Variants in FAM229A observed in about 807,000 individuals in gnomAD.
FAM229A encodes protein FAM229A.
Under a neutral mutation model 10.0 loss-of-function variants are expected in FAM229A, and 9 were observed. The observed-to-expected ratio is 0.90, with a 90% confidence interval of 0.54 to 1.56. The LOEUF (loss-of-function observed/expected upper bound fraction) is 1.56. FAM229A is among the 40% of genes most tolerant of loss of function. The pLI, the probability that FAM229A is intolerant of heterozygous loss-of-function variation, is 0.00. For missense variants in FAM229A, 196 were observed against 197.6 expected (o/e 0.99, Z 0.05); for synonymous variants, 93 against 90.1 (o/e 1.03, Z -0.19).
At chr1:32,361,901 C>T (rs1210344402) in intron 1 of FAM229A, 25 bp from the exon 2 acceptor site, 26 of 1,371,342 alleles carry the variant, frequency 1.9e-5, no homozygotes, top group Non-Finnish European at 2.4e-5. Flanking sequence ...GCGGTCAGGC[C>T]TCTCCCGGGT....
Position 32,361,864 on chromosome 1 carries a change from G to GC in FAM229A, c.146dup (p.Asp51GlyfsTer16). 11 of 1,340,420 alleles carry GC rather than the reference G, an allele frequency of 8.2e-6. 1 individual carries two copies. The South Asian group carries it at 2.0e-4, about 25-fold the overall frequency. The allele number at this position is 1,340,420 out of a possible 1,614,324, so 83.0% of individuals were successfully genotyped here. A position where few individuals can be genotyped will look rare whatever the true frequency, so the allele number is the denominator to read the frequency against. ...GGGGCTCCTGGGCGCTCATGTCCAA[G>GC]CCCCGGGGCGCTCTGCGCGGGGAGT... On this transcript the variant is annotated frameshift_variant, in exon 2 of 3. Transcript: ENST00000432622. LOFTEE classifies it high-confidence loss of function.
rs1472785265 is a variant in FAM229A at position 32,362,266 on chromosome 1, G to T, written c.-175C>A. 2.1e-6 allele frequency: 2 copies of T among 937,646 alleles called. No homozygotes were observed. Among genetic ancestry groups the T allele is most frequent in the African/African-American group, 1.7e-5 (1 of 58,226 alleles). 58.1% of individuals were successfully genotyped at this position (937,646 alleles called of 1,614,324 possible). On this transcript the variant is annotated 5_prime_UTR_variant, in exon 1 of 3. Transcript: ENST00000432622. The stretch of plus-strand genomic sequence containing the variant: ...CGCAGACCCCGGACACCCGAGGGGG[G>T]CGCAGCAGGCCAGGGCAACCCGCCG...
In FAM229A at chr1:32,362,077, C is replaced by G; in HGVS notation, c.15G>C (p.Ser5=). The change falls in exon 1 of 3, where the codon TCG becomes TCC. Residue 5 remains serine, a synonymous_variant. Transcript: ENST00000432622. MLPS[S]TPGPGHATET... ...CTGTGGCGTGCCCGGGCCCGGGCGTCGAGGAGGGCAGCATTGTGACCCGGG... is the reference window on the plus strand; with the variant it reads ...CTGTGGCGTGCCCGGGCCCGGGCGTGGAGGAGGGCAGCATTGTGACCCGGG... 1 of 1,420,950 alleles carries G rather than the reference C, an allele frequency of 7.0e-7. No individual in the cohort carries two copies. Among genetic ancestry groups the G allele is most frequent in the Non-Finnish European group, 9.2e-7 (1 of 1,091,054 alleles). The allele number at this position is 1,420,950 out of a possible 1,614,324, so 88.0% of individuals were successfully genotyped here.
In FAM229A at chr1:32,361,728, A is replaced by G; in HGVS notation, c.281+2T>C. ...GAGGCGGGGGTGGGGCGCGGGCCTT[A>G]CCTGACCGGGTTGTGCTCCGTCGCT... On this transcript the variant is annotated splice_donor_variant, in intron 2 of 2. Transcript: ENST00000432622. LOFTEE classifies it high-confidence loss of function. The G allele has an allele frequency of 7.6e-7, 1 of 1,310,828 alleles. No individual in the cohort carries two copies. The highest frequency in any genetic ancestry group is 9.7e-7 in the Non-Finnish European group (1 of 1,031,524). The allele number at this position is 1,310,828 out of a possible 1,614,324, so 81.2% of individuals were successfully genotyped here. A position where few individuals can be genotyped will look rare whatever the true frequency, so the allele number is the denominator to read the frequency against.
rs1641700237 is a variant in FAM229A, at chr1:32,361,444, G to A, written c.373C>T (p.Arg125Cys). 2.2e-6 allele frequency: 3 copies of A among 1,353,590 alleles called. No homozygotes were observed. The highest frequency in any genetic ancestry group is 3.7e-5 in the Admixed American group (1 of 26,784). The allele number at this position is 1,353,590 out of a possible 1,614,324, so 83.8% of individuals were successfully genotyped here. ...GGGAGCAGGCGCACTCACGTGGCGC[G>A]GGCCCGGGGGCTCCCGCCCATGGCG... is the stretch of plus-strand genomic sequence containing the variant. ...YLAMGGSPRA[R>C]AT The change falls in exon 3 of 3, where the codon CGC (arginine) becomes TGC (cysteine). Residue 125 changes from arginine to cysteine, a missense_variant. Physicochemically the swap from Arg to Cys is radical, Grantham distance 180. Transcript: ENST00000432622.
At position 32,361,272 on chromosome 1, in the gene FAM229A, G is replaced by C. The variant is rs1029035264; in HGVS notation, c.*161C>G. ...AGACATACACTGCCAGCCCGGAGTG[G>C]AAAGAACAGTTTGTGCTGTGCTTTA... On this transcript the variant is annotated 3_prime_UTR_variant, in exon 3 of 3. Coordinates refer to ENST00000432622, the MANE Select transcript of FAM229A (RefSeq NM_001167676.2). 1.7e-5 allele frequency: 7 copies of C among 414,230 alleles called. No individual in the cohort carries two copies. The highest frequency in any genetic ancestry group is 2.9e-5 in the Non-Finnish European group (7 of 241,618). 25.7% of individuals were successfully genotyped at this position (414,230 alleles called of 1,614,324 possible). A position where few individuals can be genotyped will look rare whatever the true frequency, so the allele number is the denominator to read the frequency against.
Position 32,361,332 on chromosome 1 carries a change from G to T in FAM229A, c.*101C>A. 1 of 491,356 alleles carries T rather than the reference G, an allele frequency of 2.0e-6. No individual in the cohort carries two copies. Among genetic ancestry groups the T allele is most frequent in the Non-Finnish European group, 3.3e-6 (1 of 306,800 alleles). The allele number at this position is 491,356 out of a possible 1,614,324, so 30.4% of individuals were successfully genotyped here. ...GCATCATTCTTTTATTTTAAAATGT[G>T]CATCATTGTCTCGTGCTCGGCGCAT... On this transcript the variant is annotated 3_prime_UTR_variant, in exon 3 of 3. Coordinates refer to ENST00000432622, the MANE Select transcript of FAM229A (RefSeq NM_001167676.2).
At position 32,362,202 on chromosome 1, in the gene FAM229A, A is replaced by C; in HGVS notation, c.-111T>G. The stretch of plus-strand genomic sequence containing the variant: ...CACTCAGCGCGGGCCAGAATCGGGG[A>C]CTGGAGGCCTCTGGCCATGGCGCCT... On this transcript the variant is annotated 5_prime_UTR_variant, in exon 1 of 3. Coordinates refer to ENST00000432622, the MANE Select transcript of FAM229A (RefSeq NM_001167676.2). 1 of 1,266,688 alleles carries C rather than the reference A, an allele frequency of 7.9e-7. No individual in the cohort carries two copies. Among genetic ancestry groups the C allele is most frequent in the Non-Finnish European group, 1.0e-6 (1 of 1,000,884 alleles). The allele number at this position is 1,266,688 out of a possible 1,614,324, so 78.5% of individuals were successfully genotyped here. A position where few individuals can be genotyped will look rare whatever the true frequency, so the allele number is the denominator to read the frequency against.
Position 32,362,074 on chromosome 1 carries a change from C to T in FAM229A, c.18G>A (p.Thr6=), listed in dbSNP as rs1363815409. Reference sequence around the variant, plus strand: ...TCTCTGTGGCGTGCCCGGGCCCGGGCGTCGAGGAGGGCAGCATTGTGACCC... The same window carrying T: ...TCTCTGTGGCGTGCCCGGGCCCGGGTGTCGAGGAGGGCAGCATTGTGACCC... MLPSS[T]PGPGHATETC... The change falls in exon 1 of 3, where the codon ACG becomes ACA. Residue 6 remains threonine (T), a synonymous_variant. Transcript: ENST00000432622. 7.0e-7 allele frequency: 1 copy of T among 1,422,902 alleles called. No homozygotes were observed. Among genetic ancestry groups the T allele is most frequent in the Non-Finnish European group, 9.2e-7 (1 of 1,092,344 alleles). 88.1% of individuals were successfully genotyped at this position (1,422,902 alleles called of 1,614,324 possible).
In FAM229A at chr1:32,362,318, G is replaced by A. The variant is rs905742935; in HGVS notation, c.-227C>T. The A allele has an allele frequency of 9.5e-6, 5 of 526,962 alleles. No individual in the cohort carries two copies. The highest frequency in any genetic ancestry group is 1.5e-5 in the Non-Finnish European group (5 of 331,506). 32.6% of individuals were successfully genotyped at this position (526,962 alleles called of 1,614,324 possible). On this transcript the variant is annotated 5_prime_UTR_variant, in exon 1 of 3. Transcript: ENST00000432622. ...GAGGCGGCGTCCACGCCGAGGAGCC[G>A]CGCATTCCCGGTCCACACAGACGCG...
chr1:32,362,247 C>T lies in FAM229A; in HGVS notation c.-156G>A. On this transcript the variant is annotated 5_prime_UTR_variant, in exon 1 of 3. Coordinates refer to ENST00000432622, the MANE Select transcript of FAM229A (RefSeq NM_001167676.2). ...GCGCCTGGAGACGGGGTCGCGCAGA[C>T]CCCGGACACCCGAGGGGGGCGCAGC... is the stretch of plus-strand genomic sequence containing the variant. 9.3e-7 allele frequency: 1 copy of T among 1,073,642 alleles called. No homozygotes were observed. The highest frequency in any genetic ancestry group is 3.2e-5 in the East Asian group (1 of 31,074). 66.5% of individuals were successfully genotyped at this position (1,073,642 alleles called of 1,614,324 possible).
At position 32,361,450 on chromosome 1, in the gene FAM229A, G is replaced by T; in HGVS notation, c.367C>A (p.Arg123=). 2 of 1,356,948 alleles carry T rather than the reference G, an allele frequency of 1.5e-6. No individual in the cohort carries two copies. The highest frequency in any genetic ancestry group is 1.7e-5 in the South Asian group (1 of 59,570). The allele number at this position is 1,356,948 out of a possible 1,614,324, so 84.1% of individuals were successfully genotyped here. The change falls in exon 3 of 3, where the codon CGG becomes AGG. Residue 123 remains arginine, a synonymous_variant. Coordinates refer to ENST00000432622, the MANE Select transcript of FAM229A (RefSeq NM_001167676.2). ...AGGCGCACTCACGTGGCGCGGGCCC[G>T]GGGGCTCCCGCCCATGGCGAGGTAG... is the stretch of plus-strand genomic sequence containing the variant. ...DVYLAMGGSP[R]ARAT
At position 32,362,328 on chromosome 1, in the gene FAM229A, G is replaced by A. The variant is rs1490933546; in HGVS notation, c.-237C>T. The A allele has an allele frequency of 3.9e-6, 2 of 509,258 alleles. No individual in the cohort carries two copies. The highest frequency in any genetic ancestry group is 5.4e-5 in the South Asian group (1 of 18,508). 31.5% of individuals were successfully genotyped at this position (509,258 alleles called of 1,614,324 possible). ...CCACGCCGAGGAGCCGCGCATTCCC[G>A]GTCCACACAGACGCGGCGGAGCGCC... is the stretch of plus-strand genomic sequence containing the variant. On this transcript the variant is annotated 5_prime_UTR_variant, in exon 1 of 3. Coordinates refer to ENST00000432622, the MANE Select transcript of FAM229A (RefSeq NM_001167676.2).
At position 32,361,976 on chromosome 1, in the gene FAM229A, G is replaced by C. The variant is rs765253551; in HGVS notation, c.116C>G (p.Pro39Arg). The C allele has an allele frequency of 6.8e-7, 1 of 1,480,494 alleles. No homozygotes were observed. Among genetic ancestry groups the C allele is most frequent in the Non-Finnish European group, 8.9e-7 (1 of 1,123,000 alleles). 91.7% of individuals were successfully genotyped at this position (1,480,494 alleles called of 1,614,324 possible). A position where few individuals can be genotyped will look rare whatever the true frequency, so the allele number is the denominator to read the frequency against. Residue 39 changes from proline (P) to arginine (R), a missense_variant, in exon 1 of 3, where the codon CCG becomes CGG. Physicochemically the swap from Pro to Arg is moderately radical, Grantham distance 103 (BLOSUM62 -2). Coordinates refer to ENST00000432622, the MANE Select transcript of FAM229A (RefSeq NM_001167676.2). ...RAPAAASSLG[P>R]VSTAGRAPRG... The stretch of plus-strand genomic sequence containing the variant: ...CGCTCACCTCCCGGCGGTTGAGACC[G>C]GTCCCAGGCTAGAAGCAGCTGCCGG...
chr1:32,361,846 C>T lies in FAM229A; in HGVS notation c.165G>A (p.Gln55=), dbSNP rs970762787. Residue 55 remains glutamine (Q), a synonymous_variant, in exon 2 of 3, where the codon CAG becomes CAA. Transcript: ENST00000432622. The stretch of plus-strand genomic sequence containing the variant: ...GGAATCTCCGACCCTGCGGGGGCTC[C>T]TGGGCGCTCATGTCCAAGCCCCGGG... ...RAPRGLDMSA[Q]EPPQGRRFPI... is the part of the protein sequence containing the mutation. 17 of 1,338,540 alleles carry T rather than the reference C, an allele frequency of 1.3e-5. No homozygotes were observed. Among genetic ancestry groups the T allele is most frequent in the Non-Finnish European group, 1.4e-5 (15 of 1,048,720 alleles). 82.9% of individuals were successfully genotyped at this position (1,338,540 alleles called of 1,614,324 possible). A position where few individuals can be genotyped will look rare whatever the true frequency, so the allele number is the denominator to read the frequency against.
At position 32,362,138 on chromosome 1, in the gene FAM229A, C is replaced by A; in HGVS notation, c.-47G>T. 1 of 1,323,870 alleles carries A rather than the reference C, an allele frequency of 7.6e-7. No homozygotes were observed. The highest frequency in any genetic ancestry group is 2.0e-5 in the South Asian group (1 of 50,318). 82.0% of individuals were successfully genotyped at this position (1,323,870 alleles called of 1,614,324 possible). ...CTGACCTCACAGAGCACGTTCCTCC[C>A]ACTGGAGAACCCCCAACGGTGCCCC... On this transcript the variant is annotated 5_prime_UTR_variant, in exon 1 of 3. Coordinates refer to ENST00000432622, the MANE Select transcript of FAM229A (RefSeq NM_001167676.2).
rs781502522 is a variant in FAM229A, at chr1:32,361,658, CT to C, written c.281+71del. ...GGACGTGGATGCGGGGTCCTGACTGCTGGGGGCGCCAAGTGGGACGGAGGGC... is the reference window on the plus strand; with the variant it reads ...GGACGTGGATGCGGGGTCCTGACTGCGGGGGCGCCAAGTGGGACGGAGGGC... On this transcript the variant is annotated intron_variant, in intron 2 of 2. Transcript: ENST00000432622. The C allele has an allele frequency of 1.8e-3, 2,292 of 1,243,070 alleles. 5 individuals are homozygous for C. Among genetic ancestry groups the C allele is most frequent in the Non-Finnish European group, 2.2e-3 (2,174 of 981,706 alleles). 77.0% of individuals were successfully genotyped at this position (1,243,070 alleles called of 1,614,324 possible).
At chr1:32,361,614 C>T in intron 2 of FAM229A, 79 bp from the exon 3 acceptor site, 3 of 1,257,376 alleles carry the variant, frequency 2.4e-6, no homozygotes, top group Non-Finnish European at 3.0e-6. Context: ...GGGAGTGCAC[C>T]TGGGGTCCCC....
Position 32,362,197 on chromosome 1 carries a change from C to T in FAM229A, c.-106G>A. ...CCTGGCACTCAGCGCGGGCCAGAAT[C>T]GGGGACTGGAGGCCTCTGGCCATGG... On this transcript the variant is annotated 5_prime_UTR_variant, in exon 1 of 3. Transcript: ENST00000432622. The T allele has an allele frequency of 7.8e-7, 1 of 1,281,002 alleles. No individual in the cohort carries two copies. The highest frequency in any genetic ancestry group is 9.9e-7 in the Non-Finnish European group (1 of 1,012,150). 79.4% of individuals were successfully genotyped at this position (1,281,002 alleles called of 1,614,324 possible).
Sources: allele counts gnomAD v4.1 joint callset, GRCh38; gene constraint gnomAD v4.1.1; transcripts MANE v1.5; gene names NCBI Gene and HGNC (gene_info 2026-07-23, HGNC 2026-07-21).